Variants in CRACR2B observed in about 807,000 individuals in gnomAD.
CRACR2B encodes the protein calcium release activated channel regulator 2B.
In CRACR2B, 50 loss-of-function variants were observed where a neutral mutation model predicts 46.0. The ratio of observed to expected loss-of-function variants is 1.09; its 90% CI spans 0.87 to 1.38. The LOEUF is 1.38. Among genes scored for constraint, CRACR2B ranks in the 40% most tolerant of loss-of-function variants. The probability of loss-of-function intolerance (pLI) is 0.00; values close to 1 mark genes in which losing one functional copy is unlikely to be tolerated. For synonymous variants in CRACR2B, 277 were observed against 239.6 expected (o/e 1.16, Z -1.44); for missense variants, 667 against 535.0 (o/e 1.25, Z -2.43).
intron 5 of CRACR2B, 104 bp downstream of exon 5, chr11:830,441 G>A: frequency 1.3e-6 from 2 of 1,536,282 alleles, no homozygotes; most frequent in Non-Finnish European, 8.7e-7. Context: ...CCCCACCTCC[G>A]CGGGTCCAGG....
At chr11:831,119 C>G (rs1453859970) in intron 7 of CRACR2B, 87 bp downstream of exon 7, 5 of 1,573,418 alleles carry the variant, frequency 3.2e-6, no homozygotes, top group Non-Finnish European at 8.6e-7. Context: ...CTTTCATCCC[C>G]ATCTCAAGTC....
At chr11:829,241 G>C in intron 2 of CRACR2B, 119 bp from the exon 3 acceptor site, 1 of 1,473,690 alleles carries the variant, frequency 6.8e-7, no homozygotes, top group Non-Finnish European at 9.0e-7. Context: ...ACCAGAATAA[G>C]GAAGGAAAAC....
chr11:830,886 C>G lies in CRACR2B; in HGVS notation c.807C>G (p.Ala269=), dbSNP rs1304074259. ...TCCAGTTAGAGCAGCAGCTGCACGC[C>G]CAGGCTGCGGAGCACCTGGAGGCAC... ...RQRELEQQLH[A]QAAEHLEAQA... is the part of the protein sequence containing the mutation. Residue 269 remains alanine, a synonymous_variant, in exon 7 of 9, where the codon GCC becomes GCG. Transcript: ENST00000525077. 6.5e-7 allele frequency: 1 copy of G among 1,528,790 alleles called. No homozygotes were observed. Among genetic ancestry groups the G allele is most frequent in the East Asian group, 2.5e-5 (1 of 40,772 alleles). 94.7% of individuals were successfully genotyped at this position (1,528,790 alleles called of 1,614,324 possible).
At position 831,602 on chromosome 11, in the gene CRACR2B, A is replaced by G. The variant is rs762221743; in HGVS notation, c.1093A>G (p.Arg365Gly). ...GGCCAGGCGGGCGGGCAGCAGCTGC[A>G]GGAAGGCTCTGACAACAGCCCGCCT... ...CEARRAGSSCRKALTTARLPG... is the reference protein window; with the variant it reads ...CEARRAGSSCGKALTTARLPG... The change falls in exon 9 of 9, where the codon AGG becomes GGG. Residue 365 changes from arginine (R) to glycine (G), a missense_variant. Arg to Gly is a moderately radical substitution (Grantham distance 125). Coordinates refer to ENST00000525077, the MANE Select transcript of CRACR2B (RefSeq NM_001286606.2). 38 of 1,582,636 alleles carry G rather than the reference A, an allele frequency of 2.4e-5. No individual in the cohort carries two copies. Among genetic ancestry groups the G allele is most frequent in the Non-Finnish European group, 3.1e-5 (36 of 1,169,854 alleles).
Position 831,627 on chromosome 11 carries a change from T to A in CRACR2B, c.1118T>A (p.Leu373Gln). ...SCRKALTTAR[L>Q]PGPTCCCCCC... ...AGGAAGGCTCTGACAACAGCCCGCC[T>A]GCCTGGGCCCACCTGCTGCTGCTGC... The change falls in exon 9 of 9, where the codon CTG becomes CAG. Residue 373 changes from leucine to glutamine, a missense_variant. Leu to Gln is a moderately radical substitution (Grantham distance 113). Transcript: ENST00000525077. 6.4e-7 allele frequency: 1 copy of A among 1,559,816 alleles called. No individual in the cohort carries two copies. The highest frequency in any genetic ancestry group is 8.6e-7 in the Non-Finnish European group (1 of 1,160,450).
In CRACR2B at chr11:828,938, C is replaced by A. The variant is rs760968577; in HGVS notation, c.252C>A (p.Thr84=). ...ACCGGGCTCACACTGGCTTCCTCAC[C>A]GCCAGGGAGTTCTGCCTGGGCCTGG... ...SLDRAHTGFL[T]AREFCLGLGM... is the part of the protein sequence containing the mutation. Residue 84 remains threonine, a synonymous_variant, in exon 2 of 9, where the codon ACC becomes ACA. Coordinates refer to ENST00000525077, the MANE Select transcript of CRACR2B (RefSeq NM_001286606.2). 1.9e-6 allele frequency: 3 copies of A among 1,606,058 alleles called. No individual in the cohort carries two copies. The highest frequency in any genetic ancestry group is 2.5e-6 in the Non-Finnish European group (3 of 1,179,936).
At position 830,121 on chromosome 11, in the gene CRACR2B, G is replaced by C. The variant is rs1230382781; in HGVS notation, c.594G>C (p.Gln198His). 2 of 1,535,742 alleles carry C rather than the reference G, an allele frequency of 1.3e-6. No individual in the cohort carries two copies. The highest frequency in any genetic ancestry group is 1.7e-6 in the Non-Finnish European group (2 of 1,146,058). The change falls in exon 4 of 9, where the codon CAG (glutamine) becomes CAC (histidine). Residue 198 changes from glutamine (Q) to histidine (H), a missense_variant. Transcript: ENST00000525077. ...CCCGGGAGCGCGACGGCCTGGAGCA[G>C]GCGCTGCGGAGGTGAGGGCCGGGGT... ...EAARERDGLEQALRRRESEHE... is the reference protein window; with the variant it reads ...EAARERDGLEHALRRRESEHE...
chr11:830,782 C>T (rs990570033), intron 6 of CRACR2B, 69 bp downstream of exon 6: 1 of 1,481,440 alleles, frequency 6.8e-7, no homozygotes, highest in Non-Finnish European at 8.9e-7. Context: ...TTAGCGTCCC[C>T]GGGTTGTCGG....
upstream of CRACR2B, chr11:827,492 G>A (rs1845986495): frequency 1.0e-6 from 1 of 972,582 alleles, no homozygotes; most frequent in African/African-American, 1.8e-5. Context: ...GAGTTTCGGG[G>A]AGCACAGGAG....
chr11:827,434 C>G, upstream of CRACR2B: 1 of 571,590 alleles, frequency 1.7e-6, no homozygotes, highest in Non-Finnish European at 2.2e-6. Context: ...ACTCCGGTTA[C>G]CCCCTCGGGG....
Position 831,661 on chromosome 11 carries a change from G to A in CRACR2B, c.1152G>A (p.Trp384Ter). ...PGPTCCCCCC[W>*]ARPPRRGSGH... ...CCACCTGCTGCTGCTGCTGTTGCTGGGCTCGGCCCCCCAGACGCGGCTCTG... is the reference window on the plus strand; with the variant it reads ...CCACCTGCTGCTGCTGCTGTTGCTGAGCTCGGCCCCCCAGACGCGGCTCTG... The change falls in exon 9 of 9, where the codon TGG becomes TGA. Residue 384 changes from tryptophan (W) to a stop codon, truncating the protein, a stop_gained. Coordinates refer to ENST00000525077, the MANE Select transcript of CRACR2B (RefSeq NM_001286606.2). LOFTEE classifies it high-confidence loss of function. The A allele has an allele frequency of 1.9e-6, 3 of 1,540,670 alleles. No individual in the cohort carries two copies. Among genetic ancestry groups the A allele is most frequent in the Non-Finnish European group, 2.6e-6 (3 of 1,149,608 alleles).
Position 830,238 on chromosome 11 carries a change from G to A in CRACR2B, c.606-12G>A, listed in dbSNP as rs371319686. 1.8e-4 allele frequency: 267 copies of A among 1,502,224 alleles called. No individual in the cohort carries two copies. The highest frequency in any genetic ancestry group is 1.1e-3 in the Middle Eastern group (6 of 5,490). 93.1% of individuals were successfully genotyped at this position (1,502,224 alleles called of 1,614,324 possible). A position where few individuals can be genotyped will look rare whatever the true frequency, so the allele number is the denominator to read the frequency against. On this transcript the variant is annotated splice_polypyrimidine_tract_variant and intron_variant, in intron 4 of 8. Coordinates refer to ENST00000525077, the MANE Select transcript of CRACR2B (RefSeq NM_001286606.2). Reference sequence around the variant, plus strand: ...GGCAAGTTCTCATCCGGGGTCGCCCGGTCCCCCGAAGGCGCGAGAGCGAGC... The same window carrying A: ...GGCAAGTTCTCATCCGGGGTCGCCCAGTCCCCCGAAGGCGCGAGAGCGAGC...
At position 830,403 on chromosome 11, in the gene CRACR2B, CT is replaced by C. The variant is rs1846304668; in HGVS notation, c.693+68del. ...ACCTCGCTGGCCTCCCTGGCTCCGC[CT>C]TCTCTGAATTAATCCCTCCCCGACG... is the stretch of plus-strand genomic sequence containing the variant. On this transcript the variant is annotated intron_variant, in intron 5 of 8. Transcript: ENST00000525077. 3 of 1,536,260 alleles carry C rather than the reference CT, an allele frequency of 2.0e-6. No individual in the cohort carries two copies. The East Asian group carries it at 7.3e-5, about 38-fold the overall frequency.
chr11:830,498 CG>C, intron 5 of CRACR2B, 122 bp from the exon 6 acceptor site: 1 of 1,538,364 alleles, frequency 6.5e-7, no homozygotes, highest in Non-Finnish European at 8.7e-7. Context: ...GTATCACCCC[CG>C]TCCGGTCTTC....
At position 831,032 on chromosome 11, in the gene CRACR2B, G is replaced by A. The variant is rs1846371591; in HGVS notation, c.953G>A (p.Arg318Gln). The change falls in exon 7 of 9, where the codon CGA (arginine) becomes CAA (glutamine). Residue 318 changes from arginine (R) to glutamine (Q), a missense_variant and splice_region_variant. By Grantham distance (43) the Arg-to-Gln change is conservative. Coordinates refer to ENST00000525077, the MANE Select transcript of CRACR2B (RefSeq NM_001286606.2). ...CGAGGCCGCCAGGAGCAAACCCAAC[G>A]GTGCCGTGGGACGGGGCTGGGCGGG... ...EARGRQEQTQ[R>Q]DVVAVSRNMQ... 4 of 1,534,888 alleles carry A rather than the reference G, an allele frequency of 2.6e-6. No individual in the cohort carries two copies. The highest frequency in any genetic ancestry group is 3.9e-5 in the Admixed American group (2 of 50,968).
At position 830,633 on chromosome 11, in the gene CRACR2B, G is replaced by A. The variant is rs1328631522; in HGVS notation, c.706G>A (p.Gly236Arg). The change falls in exon 6 of 9, where the codon GGG becomes AGG. Residue 236 changes from glycine (G) to arginine (R), a missense_variant. By Grantham distance (125) the Gly-to-Arg change is moderately radical. Coordinates refer to ENST00000525077, the MANE Select transcript of CRACR2B (RefSeq NM_001286606.2). ...CCGTGCGTCCCAGAACTTCGCCCGC[G>A]GGGAGCGGAGAAGCCGTCTGGAGCT... ...RRPPSQNFAR[G>R]ERRSRLELEL... is the part of the protein sequence containing the mutation. 6.5e-7 allele frequency: 1 copy of A among 1,549,200 alleles called. No homozygotes were observed. Among genetic ancestry groups the A allele is most frequent in the South Asian group, 1.2e-5 (1 of 84,046 alleles).
At position 830,765 on chromosome 11, in the gene CRACR2B, C is replaced by G. The variant is rs1208667239; in HGVS notation, c.786+52C>G. 6.0e-6 allele frequency: 9 copies of G among 1,489,864 alleles called. No homozygotes were observed. The African/African-American group carries it at 1.3e-4, about 21-fold the overall frequency. 92.3% of individuals were successfully genotyped at this position (1,489,864 alleles called of 1,614,324 possible). A position where few individuals can be genotyped will look rare whatever the true frequency, so the allele number is the denominator to read the frequency against. ...CCACGGTCACCCGTGCACTCTCCCC[C>G]TGTGCCTTAGCGTCCCCGGGTTGTC... On this transcript the variant is annotated intron_variant, in intron 6 of 8. Coordinates refer to ENST00000525077, the MANE Select transcript of CRACR2B (RefSeq NM_001286606.2).
Position 828,372 on chromosome 11 carries a change from C to T in CRACR2B, c.-236C>T, listed in dbSNP as rs1846068335. On this transcript the variant is annotated 5_prime_UTR_variant, in exon 1 of 9. Transcript: ENST00000525077. The stretch of plus-strand genomic sequence containing the variant: ...AGATGCCAGACCCACTGGGGCAGTA[C>T]CCACAGGCCCTGAGCCTACATCAAC... 2 of 522,616 alleles carry T rather than the reference C, an allele frequency of 3.8e-6. No individual in the cohort carries two copies. The highest frequency in any genetic ancestry group is 2.7e-5 in the South Asian group (1 of 37,550). The allele number at this position is 522,616 out of a possible 1,614,324, so 32.4% of individuals were successfully genotyped here.
Position 828,886 on chromosome 11 carries a change from AGCTGGAG to A in CRACR2B, c.205_211del (p.Glu69CysfsTer87). 1.2e-6 allele frequency: 2 copies of A among 1,610,150 alleles called. No individual in the cohort carries two copies. The highest frequency in any genetic ancestry group is 1.7e-6 in the Non-Finnish European group (2 of 1,179,828). On this transcript the variant is annotated frameshift_variant, in exon 2 of 9. Transcript: ENST00000525077. LOFTEE classifies it high-confidence loss of function. ...AGCGACCTGCCCCTCACGCCAGAGC[AGCTGGAG>A]GCTGTGTTTGAAAGTCTGGACCGGG...
Sources: gnomAD v4.1 joint callset for allele counts on GRCh38, gnomAD v4.1.1 for gene constraint, MANE v1.5 for transcripts, NCBI Gene and HGNC (gene_info 2026-07-23, HGNC 2026-07-21) for gene names.